The following FEZ1 variants were observed in gnomAD, a reference collection of about 807,000 sequenced individuals.
FEZ1 encodes fasciculation and elongation protein zeta 1, also known as fasciculation and elongation protein zeta-1.
Under a neutral mutation model 49.3 loss-of-function variants are expected in FEZ1, and 20 were observed. The ratio of observed to expected loss-of-function variants is 0.41; its 90% CI spans 0.29 to 0.59. The LOEUF is 0.59. Among genes scored for constraint, FEZ1 ranks in the 20% least tolerant of loss-of-function variants. The probability of loss-of-function intolerance (pLI) is 0.36; values close to 1 mark genes in which losing one functional copy is unlikely to be tolerated. For missense variants in FEZ1, 413 were observed against 476.0 expected, an observed-to-expected ratio of 0.87 and a Z score of 1.23; for synonymous variants, 170 against 180.9, an observed-to-expected ratio of 0.94 and a Z score of 0.48.
Position 125,495,700 on chromosome 11 carries a change from T to C in FEZ1, c.-46+421A>G. On this transcript the variant is annotated intron_variant, in intron 1 of 9. Transcript: ENST00000278919. This position sits in a 1 kb window ranked among gnomAD's most constrained non-coding sequence, Gnocchi z 4.2. ...GTCCCGGGACGAGGTACCGACCCAC[T>C]GCCCCAGCGCGATCGGGCGGCGTTC... 2.8e-6 allele frequency: 1 copy of C among 361,134 alleles called. No individual in the cohort carries two copies. The highest frequency in any genetic ancestry group is 2.0e-5 in the South Asian group (1 of 49,210). The allele number at this position is 361,134 out of a possible 1,614,324, so 22.4% of individuals were successfully genotyped here.
At chr11:125,469,372 C>T (rs191655400) in intron 3 of FEZ1, among the ~76,000 whole-genome samples, 3 of 152,354 alleles carry the variant, frequency 2.0e-5, no homozygotes, top group Admixed American at 6.5e-5. Flanking sequence ...AATCCTCCCA[C>T]CTCAGCCTCC....
At chr11:125,447,928 T>C (rs1371508495) in intron 9 of FEZ1, among the ~76,000 whole-genome samples, 1 of 152,102 alleles carries the variant, frequency 6.6e-6, no homozygotes, top group Non-Finnish European at 1.5e-5. Context: ...CATACCGAAA[T>C]AGTTATGCAT....
chr11:125,461,554 C>A (rs1414223081), intron 4 of FEZ1, among the ~76,000 whole-genome samples: 2 of 152,272 alleles, frequency 1.3e-5, no homozygotes, highest in East Asian at 3.9e-4. Context: ...TTGCAGTGAA[C>A]CGAGACTGGG....
intron 3 of FEZ1, among the ~76,000 whole-genome samples, chr11:125,471,170 G>A (rs1375672872): frequency 1.3e-5 from 2 of 152,092 alleles, no homozygotes; most frequent in African/African-American, 4.8e-5. Context: ...AAGACAAAAA[G>A]TGTGGAACAG....
intron 3 of FEZ1, among the ~76,000 whole-genome samples, chr11:125,479,143 C>T (rs1469217468): frequency 6.6e-6 from 1 of 152,202 alleles, no homozygotes; most frequent in African/African-American, 2.4e-5. Context: ...AAGTCATCAT[C>T]TCACTTGCTC....
chr11:125,479,459 C>T (rs1272710235), intron 3 of FEZ1, among the ~76,000 whole-genome samples: 2 of 152,214 alleles, frequency 1.3e-5, no homozygotes, highest in East Asian at 3.8e-4. Context: ...ACAACTGAAA[C>T]TAGAAAACCA....
intron 2 of FEZ1, among the ~76,000 whole-genome samples, chr11:125,483,873 C>A (rs1195041877): frequency 1.3e-5 from 2 of 152,204 alleles, no homozygotes; most frequent in Non-Finnish European, 2.9e-5. Flanking sequence ...CAGGGGCTCT[C>A]TCGGGATCAT....
intron 3 of FEZ1, among the ~76,000 whole-genome samples, chr11:125,474,324 T>C (rs148522710): frequency 0.015 from 2,261 of 150,708 alleles, 49 homozygotes; most frequent in African/African-American, 0.049. Flanking sequence ...AGACATGAGC[T>C]ACCACGCCCG....
chr11:125,462,494 G>C (rs569137800), intron 4 of FEZ1, among the ~76,000 whole-genome samples: 1 of 152,282 alleles, frequency 6.6e-6, no homozygotes, highest in South Asian at 2.1e-4. Context: ...TGGGAAAACA[G>C]GTATTTGGGA....
At position 125,445,363 on chromosome 11, in the gene FEZ1, TC is replaced by T. The variant is rs770867524; in HGVS notation, c.*731del. On this transcript the variant is annotated 3_prime_UTR_variant, in exon 10 of 10. Coordinates refer to ENST00000278919, the MANE Select transcript of FEZ1 (RefSeq NM_005103.5). This position sits in a 1 kb window ranked among gnomAD's most constrained non-coding sequence, Gnocchi z 4.4. ...CCCCGTGGACAGCCTGGGGAGGGTC[TC>T]CAGGGCCAGCCTGGCCATCCCACCA... is the stretch of plus-strand genomic sequence containing the variant. 4.4e-4 allele frequency among the ~76,000 whole-genome samples: 67 copies of T among 152,336 alleles called. No homozygotes were observed. The highest frequency in any genetic ancestry group is 3.4e-3 in the Middle Eastern group (1 of 294).
intron 3 of FEZ1, among the ~76,000 whole-genome samples, chr11:125,471,635 C>T (rs1439717708): frequency 6.6e-6 from 1 of 152,030 alleles, no homozygotes; most frequent in Non-Finnish European, 1.5e-5. Flanking sequence ...ATCAACAGAA[C>T]TAAAGAAATA....
chr11:125,488,956 G>T (rs1032579007), intron 2 of FEZ1: 12 of 985,372 alleles, frequency 1.2e-5, no homozygotes, highest in Non-Finnish European at 1.4e-5. Context: ...AGGGTAGCCC[G>T]CTGTGCTCTC....
chr11:125,493,259 A>G (rs1164764360), intron 1 of FEZ1, among the ~76,000 whole-genome samples: 1 of 151,172 alleles, frequency 6.6e-6, no homozygotes, highest in Non-Finnish European at 1.5e-5. Context: ...GCTTGAGCCC[A>G]AGAGGCAGAG....
chr11:125,443,005 G>C lies in FEZ1; in HGVS notation c.*3090C>G, dbSNP rs893520217. On this transcript the variant is annotated 3_prime_UTR_variant, in exon 10 of 10. Transcript: ENST00000278919. ...CCCACCTCGGCCTCCCAAAGTTCTG[G>C]GATTACAGGCATGAGCCACCACGCC... 1.3e-5 allele frequency among the ~76,000 whole-genome samples: 2 copies of C among 151,954 alleles called. No homozygotes were observed. Among genetic ancestry groups the C allele is most frequent in the Non-Finnish European group, 2.9e-5 (2 of 67,988 alleles).
chr11:125,493,172 C>CAAAAAAA lies in FEZ1; in HGVS notation c.-46+2942_-46+2948dup, dbSNP rs576444823. 3.9e-3 allele frequency among the ~76,000 whole-genome samples: 525 copies of CAAAAAAA among 134,868 alleles called. 3 individuals carry two copies. Among genetic ancestry groups the CAAAAAAA allele is most frequent in the Middle Eastern group, 7.4e-3 (2 of 272 alleles). 88.5% of individuals were successfully genotyped at this position (134,868 alleles called of 152,430 possible). A position where few individuals can be genotyped will look rare whatever the true frequency, so the allele number is the denominator to read the frequency against. On this transcript the variant is annotated intron_variant, in intron 1 of 9. Coordinates refer to ENST00000278919, the MANE Select transcript of FEZ1 (RefSeq NM_005103.5). ...CAAAACCCTGTCTCTACTAAAAATA[C>CAAAAAAA]AAAAAAAAAAAATTAGCTGAGCATG... is the stretch of plus-strand genomic sequence containing the variant.
chr11:125,454,098 A>T, intron 7 of FEZ1, 32 bp downstream of exon 7: 1 of 1,546,408 alleles, frequency 6.5e-7, no homozygotes, highest in Non-Finnish European at 8.9e-7. Context: ...GGAGTCTAGG[A>T]AGAGAGCTTG....
intron 6 of FEZ1, among the ~76,000 whole-genome samples, chr11:125,454,912 G>A (rs1195030773): frequency 1.3e-5 from 2 of 151,170 alleles, no homozygotes; most frequent in Non-Finnish European, 2.9e-5. Flanking sequence ...GACTCAGGAG[G>A]TTGAGACAGG....
intron 2 of FEZ1, among the ~76,000 whole-genome samples, chr11:125,484,619 G>C (rs957427438): frequency 1.1e-4 from 17 of 149,138 alleles, no homozygotes; most frequent in Non-Finnish European, 1.5e-5. Flanking sequence ...AGTGAGCCGA[G>C]ATGGCGCCAT....
chr11:125,493,417 A>AGAAAGAAGGAAAGAAG (rs1565306954), intron 1 of FEZ1, among the ~76,000 whole-genome samples: 3 of 51,530 alleles, frequency 5.8e-5, no homozygotes, highest in Non-Finnish European at 7.6e-5. Context: ...AAAGAAAGAA[A>AGAAAGAAGGAAAGAAG]GAAAGAAGGA....
Sources: allele counts gnomAD v4.1 joint callset (sites outside exome capture counted in the v4.1 genomes callset), GRCh38; gene constraint gnomAD v4.1.1; non-coding constraint Gnocchi (gnomAD v3.1); transcripts MANE v1.5; gene names NCBI Gene and HGNC (gene_info 2026-07-23, HGNC 2026-07-21).